The following MACROD2 variants were observed in gnomAD, a reference collection of about 807,000 sequenced individuals.
The protein encoded by MACROD2 is ADP-ribose glycohydrolase MACROD2.
MACROD2 carries 36 observed loss-of-function variants against 70.4 expected under a neutral mutation model. The observed-to-expected ratio is 0.51, with a 90% CI of 0.39 to 0.68. The LOEUF is 0.68. MACROD2 is among the 30% of genes least tolerant of loss of function. The probability of loss-of-function intolerance (pLI) is 0.00; values close to 1 mark genes in which losing one functional copy is unlikely to be tolerated. For missense variants in MACROD2, 496 were observed against 538.4 expected, an observed-to-expected ratio of 0.92 and a Z score of 0.78; for synonymous variants, 172 against 178.8, an observed-to-expected ratio of 0.96 and a Z score of 0.30.
chr20:15,848,444 A>G (rs2064259346), intron 8 of MACROD2, among the ~76,000 whole-genome samples: 1 of 152,164 alleles, frequency 6.6e-6, no homozygotes, highest in Non-Finnish European at 1.5e-5. Context: ...AAGCATGAAT[A>G]TTATAGATAC....
chr20:14,087,677 G>T (rs1190721860), intron 3 of MACROD2, among the ~76,000 whole-genome samples: 5 of 152,098 alleles, frequency 3.3e-5, no homozygotes, highest in Non-Finnish European at 5.9e-5. Context: ...GTGGCCCTGG[G>T]TATCAAGATG....
intron 5 of MACROD2, among the ~76,000 whole-genome samples, chr20:14,959,805 A>G (rs1459371255): frequency 1.3e-5 from 2 of 152,162 alleles, no homozygotes; most frequent in African/African-American, 4.8e-5. Flanking sequence ...ACTAGTGGGA[A>G]TCCACAGCTA....
At chr20:15,983,200 T>C (rs1408292857) in intron 13 of MACROD2, among the ~76,000 whole-genome samples, 1 of 152,242 alleles carries the variant, frequency 6.6e-6, no homozygotes, top group Non-Finnish European at 1.5e-5. Context: ...GATTTCAAGC[T>C]TTAAATTGAT....
At chr20:14,324,426 G>C (rs1321701508) in intron 3 of MACROD2, 1 of 152,470 alleles carries the variant, frequency 6.6e-6, no homozygotes, top group Non-Finnish European at 1.5e-5. Context: ...TGACAGTAAT[G>C]GGCAGTATTC....
intron 3 of MACROD2, among the ~76,000 whole-genome samples, chr20:14,313,377 A>C (rs749589623): frequency 6.6e-6 from 1 of 151,794 alleles, no homozygotes; most frequent in Non-Finnish European, 1.5e-5. Context: ...ATGACTTATA[A>C]ATTTACTTTC....
At chr20:15,454,432 C>G (rs2046691104) in intron 7 of MACROD2, among the ~76,000 whole-genome samples, 1 of 151,310 alleles carries the variant, frequency 6.6e-6, no homozygotes, top group East Asian at 1.9e-4. Context: ...CACACACACA[C>G]ACACACACAC....
At chr20:15,298,428 G>T (rs942244274) in intron 6 of MACROD2, among the ~76,000 whole-genome samples, 3 of 152,186 alleles carry the variant, frequency 2.0e-5, no homozygotes, top group African/African-American at 7.2e-5. Context: ...ATGGGGATGG[G>T]CAGGGAAGAG....
intron 8 of MACROD2, among the ~76,000 whole-genome samples, chr20:15,825,350 A>C (rs1166037610): frequency 6.6e-6 from 1 of 152,164 alleles, no homozygotes; most frequent in Non-Finnish European, 1.5e-5. Flanking sequence ...CTCAAGCCAC[A>C]TGGCAAAGCC....
chr20:15,525,634 A>C (rs1186996913), intron 8 of MACROD2, among the ~76,000 whole-genome samples: 2 of 152,226 alleles, frequency 1.3e-5, no homozygotes, highest in African/African-American at 4.8e-5. Context: ...CCAGCATTAA[A>C]GAGTTTTTGT....
At chr20:15,221,681 C>A (rs767085335) in intron 5 of MACROD2, among the ~76,000 whole-genome samples, 1 of 152,154 alleles carries the variant, frequency 6.6e-6, no homozygotes. Flanking sequence ...TGAGCTTTGC[C>A]TCTTTCTTTT....
At chr20:15,013,870 ACT>A (rs1363739266) in intron 5 of MACROD2, among the ~76,000 whole-genome samples, 1 of 152,146 alleles carries the variant, frequency 6.6e-6, no homozygotes, top group Non-Finnish European at 1.5e-5. Context: ...AAGCATGATC[ACT>A]CTGAGCAGAA....
intron 5 of MACROD2, among the ~76,000 whole-genome samples, chr20:14,786,997 A>G (rs2072382656): frequency 6.6e-6 from 1 of 152,086 alleles, no homozygotes; most frequent in African/African-American, 2.4e-5. Context: ...AAGGAGGTCA[A>G]GGTTGCAGGC....
intron 5 of MACROD2, among the ~76,000 whole-genome samples, chr20:14,863,429 G>A (rs1241242485): frequency 2.0e-5 from 3 of 152,096 alleles, no homozygotes; most frequent in South Asian, 4.2e-4. Flanking sequence ...TACAGGTGTT[G>A]TGAACACGAC....
intron 5 of MACROD2, among the ~76,000 whole-genome samples, chr20:14,832,848 G>T (rs1472972349): frequency 6.6e-6 from 1 of 152,070 alleles, no homozygotes; most frequent in Non-Finnish European, 1.5e-5. Flanking sequence ...TAAGAACAGG[G>T]GAAAACCCAG....
chr20:14,932,232 C>T (rs2045014248), intron 5 of MACROD2, among the ~76,000 whole-genome samples: 1 of 151,956 alleles, frequency 6.6e-6, no homozygotes. Context: ...GCAGAAATTG[C>T]CCACAGCTGA....
chr20:15,382,773 T>C (rs116533384), intron 6 of MACROD2, among the ~76,000 whole-genome samples: 2,096 of 152,252 alleles, frequency 0.014, 45 homozygotes, highest in African/African-American at 0.044. Flanking sequence ...GAGGAATAAT[T>C]GTTAGACACT....
intron 6 of MACROD2, among the ~76,000 whole-genome samples, chr20:15,414,508 A>G (rs1171442383): frequency 6.6e-6 from 1 of 152,238 alleles, no homozygotes. Flanking sequence ...CTAGGAAACA[A>G]TTGAGTCTGT....
chr20:14,242,872 T>C lies in MACROD2; in HGVS notation c.271+157144T>C, dbSNP rs2081940683. Among the ~76,000 whole-genome samples, 3 of 152,180 alleles carry C rather than the reference T, an allele frequency of 2.0e-5. No homozygotes were observed. The South Asian group carries it at 6.2e-4, about 31-fold the overall frequency. On this transcript the variant is annotated intron_variant, in intron 3 of 17. Coordinates refer to ENST00000684519, the MANE Select transcript of MACROD2 (RefSeq NM_001351661.2). ...GTTCAGAGCCTTTCAGAAAAAAGGATTTTCATCCATTATTCTAAACTATTT... is the reference window on the plus strand; with the variant it reads ...GTTCAGAGCCTTTCAGAAAAAAGGACTTTCATCCATTATTCTAAACTATTT...
intron 12 of MACROD2, among the ~76,000 whole-genome samples, chr20:15,961,120 A>C (rs1431900229): frequency 6.6e-6 from 1 of 152,196 alleles, no homozygotes; most frequent in Non-Finnish European, 1.5e-5. Flanking sequence ...CTCTGCAGCC[A>C]CCCATATTTT....
Sources: gnomAD v4.1 joint callset for allele counts (sites outside exome capture counted in the v4.1 genomes callset) on GRCh38, gnomAD v4.1.1 for gene constraint, MANE v1.5 for transcripts, NCBI Gene and HGNC (gene_info 2026-07-23, HGNC 2026-07-21) for gene names.